The following NSMCE2 variants were observed in gnomAD, a reference collection of about 807,000 sequenced individuals.
NSMCE2 encodes NSE2 SUMO ligase component of SMC5/6 complex.
In NSMCE2, 24 loss-of-function variants were observed where a neutral mutation model predicts 23.8. The observed-to-expected ratio is 1.01, with a 90% CI of 0.73 to 1.42. The LOEUF (loss-of-function observed/expected upper bound fraction) is 1.42, where lower values mean the gene tolerates loss of function less well. Ranked by LOEUF, NSMCE2 falls within the 40% of genes most tolerant of loss-of-function variation. The pLI, the probability that NSMCE2 is intolerant of heterozygous loss-of-function variation, is 0.00. For synonymous variants in NSMCE2, 92 were observed against 94.1 expected, an observed-to-expected ratio of 0.98 and a Z score of 0.13; for missense variants, 284 against 296.5, an observed-to-expected ratio of 0.96 and a Z score of 0.31.
intron 3 of NSMCE2, among the ~76,000 whole-genome samples, chr8:125,130,790 C>T (rs79393465): frequency 0.022 from 3,296 of 152,282 alleles, 130 homozygotes; most frequent in African/African-American, 0.076. Flanking sequence ...TCTAGTGCTG[C>T]GTGGTTAAAT....
chr8:125,216,209 AC>A (rs1463933094), intron 5 of NSMCE2, among the ~76,000 whole-genome samples: 3 of 128,092 alleles, frequency 2.3e-5, no homozygotes, highest in Non-Finnish European at 3.4e-5. Flanking sequence ...TTGTTGATCC[AC>A]TTATCTGTCA....
At chr8:125,159,553 G>A (rs1011164880) in intron 4 of NSMCE2, among the ~76,000 whole-genome samples, 3 of 152,128 alleles carry the variant, frequency 2.0e-5, no homozygotes, top group South Asian at 2.1e-4. Flanking sequence ...AGTACACTCC[G>A]TGATGTTCCA....
chr8:125,180,496 TTTCTC>T (rs1822752769), intron 4 of NSMCE2, among the ~76,000 whole-genome samples: 2 of 152,238 alleles, frequency 1.3e-5, no homozygotes, highest in African/African-American at 2.4e-5. Context: ...GATTATGTCT[TTTCTC>T]TGTGACAAAA....
At chr8:125,301,153 A>T (rs1828546247) in intron 5 of NSMCE2, among the ~76,000 whole-genome samples, 2 of 152,190 alleles carry the variant, frequency 1.3e-5, no homozygotes, top group African/African-American at 4.8e-5. Context: ...CCTCCATCAT[A>T]ACTTGAGCAG....
intron 5 of NSMCE2, among the ~76,000 whole-genome samples, chr8:125,193,691 GTGT>G (rs1823468047): frequency 6.6e-6 from 1 of 152,280 alleles, no homozygotes; most frequent in East Asian, 1.9e-4. Context: ...AAAGAGGTAA[GTGT>G]TGTAAAACAA....
chr8:125,110,701 A>T (rs554504033), intron 3 of NSMCE2, among the ~76,000 whole-genome samples: 9 of 148,966 alleles, frequency 6.0e-5, no homozygotes, highest in Non-Finnish European at 1.3e-4. Context: ...TGCCAGCGTC[A>T]TGGCCTGTGC....
At chr8:125,181,149 A>G (rs561919797) in intron 4 of NSMCE2, among the ~76,000 whole-genome samples, 1 of 152,182 alleles carries the variant, frequency 6.6e-6, no homozygotes, top group Non-Finnish European at 1.5e-5. Flanking sequence ...CAGCTTGACT[A>G]TAGTGGCTAA....
chr8:125,309,167 T>C (rs1372077621), intron 5 of NSMCE2, among the ~76,000 whole-genome samples: 1 of 149,070 alleles, frequency 6.7e-6, no homozygotes, highest in Non-Finnish European at 1.5e-5. Context: ...GAGAATCGCT[T>C]GAACCTAGAG....
intron 5 of NSMCE2, among the ~76,000 whole-genome samples, chr8:125,218,062 TATC>T (rs1824681453): frequency 6.6e-6 from 1 of 152,206 alleles, no homozygotes; most frequent in Non-Finnish European, 1.5e-5. Flanking sequence ...TTCTGCATAA[TATC>T]AGTATGTGCA....
chr8:125,108,610 C>T (rs6997862), intron 3 of NSMCE2, among the ~76,000 whole-genome samples: 22,593 of 152,146 alleles, frequency 0.15, 2,909 homozygotes, highest in African/African-American at 0.35. Flanking sequence ...TAAGTGCTCT[C>T]AGCCACAATG....
At chr8:125,112,991 C>T (rs1401405083) in intron 3 of NSMCE2, among the ~76,000 whole-genome samples, 1 of 139,286 alleles carries the variant, frequency 7.2e-6, no homozygotes, top group East Asian at 2.1e-4. Flanking sequence ...AAAATGTATA[C>T]CATAAATATA....
intron 3 of NSMCE2, among the ~76,000 whole-genome samples, chr8:125,110,546 A>G (rs1016949610): frequency 6.6e-6 from 1 of 152,160 alleles, no homozygotes; most frequent in Non-Finnish European, 1.5e-5. Context: ...CCCACTTTAC[A>G]CATGAGAAAA....
chr8:125,182,180 G>A lies in NSMCE2; in HGVS notation c.342G>A (p.Lys114=). The A allele has an allele frequency of 1.2e-6, 2 of 1,605,446 alleles. No individual in the cohort carries two copies. The highest frequency in any genetic ancestry group is 1.7e-4 in the Middle Eastern group (1 of 5,996). ...VEKKFLALQS[K]NSDADFQNNE... ...AGAAATTTTTGGCTTTACAGAGCAAGAATTCTGATGCAGACTTTCAAAATA... is the reference window on the plus strand; with the variant it reads ...AGAAATTTTTGGCTTTACAGAGCAAAAATTCTGATGCAGACTTTCAAAATA... The change falls in exon 5 of 8, where the codon AAG becomes AAA. Residue 114 remains lysine, a synonymous_variant. Transcript: ENST00000287437.
intron 5 of NSMCE2, among the ~76,000 whole-genome samples, chr8:125,184,215 G>T (rs1297211956): frequency 6.6e-6 from 1 of 152,112 alleles, no homozygotes; most frequent in Non-Finnish European, 1.5e-5. Context: ...TCCTTCTTTT[G>T]TTATTGTTTA....
chr8:125,265,868 C>T (rs1826888423), intron 5 of NSMCE2, among the ~76,000 whole-genome samples: 1 of 152,116 alleles, frequency 6.6e-6, no homozygotes, highest in East Asian at 1.9e-4. Context: ...GAATGACTTT[C>T]ATGGTTCCTT....
chr8:125,289,364 G>A (rs946608251), intron 5 of NSMCE2, among the ~76,000 whole-genome samples: 1 of 152,126 alleles, frequency 6.6e-6, no homozygotes, highest in Admixed American at 6.5e-5. Flanking sequence ...ATTGCTAAGT[G>A]CCCCTCTCTC....
At chr8:125,277,074 C>T (rs919350221) in intron 5 of NSMCE2, among the ~76,000 whole-genome samples, 1 of 152,174 alleles carries the variant, frequency 6.6e-6, no homozygotes, top group African/African-American at 2.4e-5. Context: ...GTCCTATTTC[C>T]TCTACTAGGT....
intron 3 of NSMCE2, among the ~76,000 whole-genome samples, chr8:125,117,340 G>A (rs918226959): frequency 2.0e-5 from 3 of 152,012 alleles, no homozygotes; most frequent in Non-Finnish European, 2.9e-5. Flanking sequence ...TCACGCCTCA[G>A]CCTCCCAAAG....
intron 5 of NSMCE2, among the ~76,000 whole-genome samples, chr8:125,321,412 A>G (rs1249205458): frequency 6.6e-6 from 1 of 152,248 alleles, no homozygotes; most frequent in Non-Finnish European, 1.5e-5. Context: ...AGGCTCTTAC[A>G]CTATAGAGCC....
Sources: gnomAD v4.1 joint callset for allele counts (sites outside exome capture counted in the v4.1 genomes callset) on GRCh38, gnomAD v4.1.1 for gene constraint, MANE v1.5 for transcripts, NCBI Gene and HGNC (gene_info 2026-07-23, HGNC 2026-07-21) for gene names.